Variants in CCSER1 observed in about 807,000 individuals in gnomAD.
CCSER1 encodes the protein serine-rich coiled-coil domain-containing protein 1.
Under a neutral mutation model 82.0 loss-of-function variants are expected in CCSER1, and 41 were observed. That is an observed-to-expected ratio of 0.50 (90% CI 0.39 to 0.65). CCSER1 has a LOEUF of 0.65. Among genes scored for constraint, CCSER1 ranks in the 30% least tolerant of loss-of-function variants. The pLI, the probability that CCSER1 is intolerant of heterozygous loss-of-function variation, is 0.00. For missense variants in CCSER1, 1,119 were observed against 1,064.2 expected (o/e 1.05, Z -0.72); for synonymous variants, 414 against 383.9 (o/e 1.08, Z -0.92).
intron 9 of CCSER1, among the ~76,000 whole-genome samples, chr4:91,006,997 A>G (rs1372550087): frequency 6.6e-6 from 1 of 152,044 alleles, no homozygotes; most frequent in Non-Finnish European, 1.5e-5. Context: ...AAAACATAGA[A>G]TTTTCTCAAA....
intron 10 of CCSER1, among the ~76,000 whole-genome samples, chr4:91,101,464 T>G (rs1725045609): frequency 6.6e-6 from 1 of 152,086 alleles, no homozygotes; most frequent in Non-Finnish European, 1.5e-5. Context: ...GGTGAAACCC[T>G]GTCTCTCCTA....
intron 5 of CCSER1, among the ~76,000 whole-genome samples, chr4:90,591,115 A>G (rs1349424369): frequency 1.3e-5 from 2 of 152,128 alleles, no homozygotes; most frequent in Non-Finnish European, 2.9e-5. Flanking sequence ...ATATTGGTGT[A>G]TAGGAATGCT....
chr4:91,174,268 C>T (rs984633117), intron 10 of CCSER1, among the ~76,000 whole-genome samples: 5 of 152,068 alleles, frequency 3.3e-5, no homozygotes, highest in Admixed American at 1.3e-4. Flanking sequence ...AGGCTATGCT[C>T]CTCATATTTT....
chr4:90,685,555 A>G (rs2149202892), intron 6 of CCSER1, among the ~76,000 whole-genome samples: 1 of 152,250 alleles, frequency 6.6e-6, no homozygotes, highest in South Asian at 2.1e-4. Flanking sequence ...CTCACTAAAT[A>G]CACATTCTCC....
chr4:91,322,129 T>A (rs1010131236), intron 10 of CCSER1, among the ~76,000 whole-genome samples: 2 of 152,090 alleles, frequency 1.3e-5, no homozygotes, highest in Non-Finnish European at 2.9e-5. Flanking sequence ...TTCTCCAAAT[T>A]GTTTGTCTTT....
intron 5 of CCSER1, among the ~76,000 whole-genome samples, chr4:90,583,523 A>G (rs1781654012): frequency 6.6e-6 from 1 of 152,164 alleles, no homozygotes; most frequent in Non-Finnish European, 1.5e-5. Flanking sequence ...AATTCACTTT[A>G]GAAATACATT....
chr4:90,345,131 G>T (rs1403741271), intron 3 of CCSER1, among the ~76,000 whole-genome samples: 3 of 152,084 alleles, frequency 2.0e-5, no homozygotes, highest in Non-Finnish European at 4.4e-5. Context: ...TACCAATGAT[G>T]ATGACATTTA....
intron 10 of CCSER1, among the ~76,000 whole-genome samples, chr4:91,417,098 T>C (rs1753411546): frequency 6.6e-6 from 1 of 151,788 alleles, no homozygotes; most frequent in Non-Finnish European, 1.5e-5. Flanking sequence ...AACAAACATA[T>C]GAAAAAAAGC....
intron 10 of CCSER1, among the ~76,000 whole-genome samples, chr4:91,442,055 T>G (rs1215172796): frequency 6.6e-6 from 1 of 152,078 alleles, no homozygotes; most frequent in East Asian, 1.9e-4. Flanking sequence ...CCCAAGGTAA[T>G]TTATAGATTC....
intron 9 of CCSER1, among the ~76,000 whole-genome samples, chr4:91,079,248 G>C (rs1581496470): frequency 6.6e-6 from 1 of 151,824 alleles, no homozygotes; most frequent in Non-Finnish European, 1.5e-5. Flanking sequence ...CTACACACCA[G>C]AAGAGAGTGG....
At chr4:90,438,723 T>G (rs1759410766) in intron 4 of CCSER1, among the ~76,000 whole-genome samples, 1 of 152,186 alleles carries the variant, frequency 6.6e-6, no homozygotes, top group South Asian at 2.1e-4. Flanking sequence ...ATCCTTGACA[T>G]TAATCAAAAC....
chr4:91,501,238 CTTTT>C lies in CCSER1; in HGVS notation c.2218-97332_2218-97329del, dbSNP rs984049952. Among the ~76,000 whole-genome samples the C allele has an allele frequency of 2.8e-4, 42 of 151,738 alleles. 1 individual carries two copies. The highest frequency in any genetic ancestry group is 1.5e-4 in the Non-Finnish European group (10 of 67,784). On this transcript the variant is annotated intron_variant, in intron 10 of 10. Coordinates refer to ENST00000509176, the MANE Select transcript of CCSER1 (RefSeq NM_001145065.2). ...ATTAGAAAATTAACATCTAGAATTT[CTTTT>C]TATTTATGATCCCATTCCTTTTTGT... is the stretch of plus-strand genomic sequence containing the variant.
chr4:90,853,270 C>G (rs969058398), intron 8 of CCSER1, among the ~76,000 whole-genome samples: 2 of 151,858 alleles, frequency 1.3e-5, no homozygotes, highest in African/African-American at 4.8e-5. Flanking sequence ...GGCACAATAC[C>G]CTTTAGAGAT....
chr4:90,652,177 A>G (rs1339421757), intron 6 of CCSER1, among the ~76,000 whole-genome samples: 4 of 152,160 alleles, frequency 2.6e-5, no homozygotes, highest in Non-Finnish European at 4.4e-5. Context: ...TAAATTTTAA[A>G]ATTGTAGGTG....
chr4:90,883,555 G>A (rs879431129), intron 8 of CCSER1, among the ~76,000 whole-genome samples: 7 of 150,554 alleles, frequency 4.6e-5, no homozygotes, highest in Non-Finnish European at 7.4e-5. Context: ...TTTTTAGGTC[G>A]AATGAATGGC....
intron 10 of CCSER1, among the ~76,000 whole-genome samples, chr4:91,383,014 C>A (rs1751031846): frequency 6.6e-6 from 1 of 150,426 alleles, no homozygotes; most frequent in South Asian, 2.1e-4. Flanking sequence ...TTTTTTTTAG[C>A]AATAAAGGAT....
chr4:90,711,234 A>G (rs964801425), intron 6 of CCSER1, among the ~76,000 whole-genome samples: 8 of 152,086 alleles, frequency 5.3e-5, no homozygotes, highest in Non-Finnish European at 1.0e-4. Flanking sequence ...TTTAGTGCTG[A>G]TATGGTTGGG....
At chr4:90,419,644 G>A (rs1345210583) in intron 4 of CCSER1, among the ~76,000 whole-genome samples, 3 of 151,878 alleles carry the variant, frequency 2.0e-5, no homozygotes, top group Admixed American at 1.3e-4. Flanking sequence ...GAGAAGAGGA[G>A]AGAGAAGCAG....
chr4:91,163,391 C>A (rs12512278), intron 10 of CCSER1, among the ~76,000 whole-genome samples: 107,693 of 151,492 alleles, frequency 0.71, 38,753 homozygotes, highest in Non-Finnish European at 0.78. Context: ...GTGGTGCTGA[C>A]AAGAATGTAT....
Sources: gnomAD v4.1 joint callset for allele counts (sites outside exome capture counted in the v4.1 genomes callset) on GRCh38, gnomAD v4.1.1 for gene constraint, MANE v1.5 for transcripts, NCBI Gene and HGNC (gene_info 2026-07-23, HGNC 2026-07-21) for gene names.